The following SLC15A1 variants were observed in gnomAD, a reference collection of about 807,000 sequenced individuals.
The protein encoded by SLC15A1 is solute carrier family 15 member 1, also known as Caco-2 oligopeptide transporter.
A neutral mutation model predicts 92.9 loss-of-function variants in SLC15A1; 83 were observed. The observed-to-expected ratio is 0.89, with a 90% CI of 0.75 to 1.07. The LOEUF is 1.07. Ranked by LOEUF, SLC15A1 falls within the 50% of genes least tolerant of loss-of-function variation. The pLI, the probability that SLC15A1 is intolerant of heterozygous loss-of-function variation, is 0.00. For missense variants in SLC15A1, 857 were observed against 880.1 expected, an observed-to-expected ratio of 0.97 and a Z score of 0.33; for synonymous variants, 322 against 318.2, an observed-to-expected ratio of 1.01 and a Z score of -0.13.
intron 1 of SLC15A1, among the ~76,000 whole-genome samples, chr13:98,740,392 C>A (rs1019597785): frequency 6.6e-6 from 1 of 152,206 alleles, no homozygotes; most frequent in Non-Finnish European, 1.5e-5. Context: ...CGTGCTCTCT[C>A]CTTCCTGCAG....
At chr13:98,711,813 C>T (rs2139582533) in intron 11 of SLC15A1, 41 bp downstream of exon 11, 1 of 1,484,078 alleles carries the variant, frequency 6.7e-7, no homozygotes, top group Non-Finnish European at 9.4e-7. Context: ...GGGATGTACG[C>T]TTGCTCCGTG....
chr13:98,728,357 A>C (rs573660830), intron 1 of SLC15A1, among the ~76,000 whole-genome samples: 1 of 152,270 alleles, frequency 6.6e-6, no homozygotes, highest in South Asian at 2.1e-4. Context: ...TATGAATTTT[A>C]GGATTTTTTT....
rs4646233 is a variant in SLC15A1 at position 98,684,545 on chromosome 13, C to CAAAAAAA, written c.*172_*178dup. 2.0e-4 allele frequency: 38 copies of CAAAAAAA among 193,326 alleles called. No individual in the cohort carries two copies. Among genetic ancestry groups the CAAAAAAA allele is most frequent in the East Asian group, 2.9e-4 (4 of 13,606 alleles). 12.0% of individuals were successfully genotyped at this position (193,326 alleles called of 1,614,324 possible). On this transcript the variant is annotated 3_prime_UTR_variant, in exon 23 of 23. Coordinates refer to ENST00000376503, the MANE Select transcript of SLC15A1 (RefSeq NM_005073.4). The stretch of plus-strand genomic sequence containing the variant: ...GGACAACAAGAGCAAAACTCTGTCT[C>CAAAAAAA]AAAAAAAAAAAAAAAAAAAAAAAGA...
chr13:98,733,917 G>C (rs1196658569), intron 1 of SLC15A1, among the ~76,000 whole-genome samples: 1 of 152,176 alleles, frequency 6.6e-6, no homozygotes, highest in East Asian at 1.9e-4. Context: ...CATCCCTCTT[G>C]GTACTGTCCT....
chr13:98,701,050 T>C lies in SLC15A1; in HGVS notation c.1466+1430A>G, dbSNP rs2088063052. ...TCCATATACATTTTAGAAGCAGCTT[T>C]TTTATAAAAGCAAATAAAAATAATG... is the stretch of plus-strand genomic sequence containing the variant. On this transcript the variant is annotated intron_variant, in intron 18 of 22. Transcript: ENST00000376503. Among the ~76,000 whole-genome samples the C allele has an allele frequency of 2.0e-5, 3 of 152,348 alleles. No individual in the cohort carries two copies. In the South Asian group the frequency reaches 6.2e-4, roughly 32 times the overall value.
chr13:98,750,151 C>A (rs1043238853), intron 1 of SLC15A1, among the ~76,000 whole-genome samples: 1 of 151,606 alleles, frequency 6.6e-6, no homozygotes, highest in Non-Finnish European at 1.5e-5. Flanking sequence ...TCACTCTTGT[C>A]GTCCAGGCTG....
At chr13:98,701,015 C>T (rs992683050) in intron 18 of SLC15A1, among the ~76,000 whole-genome samples, 1 of 152,132 alleles carries the variant, frequency 6.6e-6, no homozygotes, top group African/African-American at 2.4e-5. Context: ...TATTCTAGTT[C>T]CTTTGCCTTT....
Position 98,693,234 on chromosome 13 carries a change from A to T in SLC15A1, c.1467-4657T>A, listed in dbSNP as rs370094276. ...TGCCTCAGCCTCCCAAGTAGCTGGGATTACAGGCACCTGCCACCATGCCCA... is the reference window on the plus strand; with the variant it reads ...TGCCTCAGCCTCCCAAGTAGCTGGGTTTACAGGCACCTGCCACCATGCCCA... On this transcript the variant is annotated intron_variant, in intron 18 of 22. Coordinates refer to ENST00000376503, the MANE Select transcript of SLC15A1 (RefSeq NM_005073.4). Among the ~76,000 whole-genome samples, 5 of 151,332 alleles carry T rather than the reference A, an allele frequency of 3.3e-5. No individual in the cohort carries two copies. The East Asian group carries it at 9.8e-4, about 30-fold the overall frequency.
chr13:98,712,470 G>A, intron 10 of SLC15A1, 28 bp downstream of exon 10: 2 of 1,531,494 alleles, frequency 1.3e-6, no homozygotes, highest in Non-Finnish European at 1.8e-6. Context: ...GGGGAATCAG[G>A]GTCATTGTAG....
intron 22 of SLC15A1, among the ~76,000 whole-genome samples, chr13:98,685,598 G>A (rs1252298978): frequency 6.6e-6 from 1 of 152,184 alleles, no homozygotes; most frequent in African/African-American, 2.4e-5. Context: ...TAGGAGAGAT[G>A]TTTCCCTTGA....
At chr13:98,706,552 G>C (rs1282601172) in intron 15 of SLC15A1, among the ~76,000 whole-genome samples, 1 of 152,170 alleles carries the variant, frequency 6.6e-6, no homozygotes, top group African/African-American at 2.4e-5. Flanking sequence ...ACTGAATCGT[G>C]GGGGTGGCTT....
chr13:98,703,351 C>T (rs1026310473), intron 17 of SLC15A1, among the ~76,000 whole-genome samples: 3 of 152,076 alleles, frequency 2.0e-5, no homozygotes, highest in African/African-American at 7.2e-5. Flanking sequence ...GCCGGTGCTT[C>T]CACAGAACAC....
At chr13:98,733,109 G>C (rs914285422) in intron 1 of SLC15A1, among the ~76,000 whole-genome samples, 1 of 152,150 alleles carries the variant, frequency 6.6e-6, no homozygotes, top group Admixed American at 6.5e-5. Context: ...TGGTGGCCTG[G>C]AGAAGCTGGA....
At chr13:98,738,371 G>T (rs528244610) in intron 1 of SLC15A1, among the ~76,000 whole-genome samples, 15 of 152,248 alleles carry the variant, frequency 9.9e-5, no homozygotes. Context: ...TGGGGTAAAG[G>T]CCTCTAAGGA....
chr13:98,706,955 C>A (rs1455618361), intron 15 of SLC15A1, among the ~76,000 whole-genome samples: 6 of 152,162 alleles, frequency 3.9e-5, no homozygotes, highest in Admixed American at 6.5e-5. Context: ...CTGAGATCTA[C>A]CGTCACCCGA....
At chr13:98,708,028 T>TA (rs2088128410) in intron 15 of SLC15A1, among the ~76,000 whole-genome samples, 1 of 151,862 alleles carries the variant, frequency 6.6e-6, no homozygotes, top group Non-Finnish European at 1.5e-5. Context: ...AGCCAGTCTT[T>TA]ATTCCTCTAC....
chr13:98,708,764 G>A lies in SLC15A1; in HGVS notation c.1071C>T (p.Ser357=), dbSNP rs538255007. Residue 357 remains serine (S), a synonymous_variant, in exon 15 of 23, where the codon TCC becomes TCT. Coordinates refer to ENST00000376503, the MANE Select transcript of SLC15A1 (RefSeq NM_005073.4). ...LIAKCGFNFT[S]LKKMAVGMVL... ...CCATGCCAACTGCCATCTTCTTCAA[G>A]GAGCTGATGGCACAAGAGAAGAGTG... 1 of 1,610,008 alleles carries A rather than the reference G, an allele frequency of 6.2e-7. No individual in the cohort carries two copies. Among genetic ancestry groups the A allele is most frequent in the Admixed American group, 1.7e-5 (1 of 59,306 alleles).
rs570659451 is a variant in SLC15A1, at chr13:98,744,473, G to A, written c.4+8122C>T. Among the ~76,000 whole-genome samples, 203 of 151,786 alleles carry A rather than the reference G, an allele frequency of 1.3e-3. 2 individuals are homozygous for A. The highest frequency in any genetic ancestry group is 4.7e-3 in the African/African-American group (193 of 41,436). On this transcript the variant is annotated intron_variant, in intron 1 of 22. Coordinates refer to ENST00000376503, the MANE Select transcript of SLC15A1 (RefSeq NM_005073.4). ...ATAGATTAAAAGTAATGGCAAAGCC[G>A]GGTGCGGTGGCTCACGCCTGTAATC...
intron 1 of SLC15A1, among the ~76,000 whole-genome samples, chr13:98,733,247 C>T (rs539953149): frequency 2.0e-5 from 3 of 152,292 alleles, no homozygotes; most frequent in African/African-American, 7.2e-5. Flanking sequence ...TGTGAAGCCA[C>T]TAAGCTTGTG....
Sources: allele counts gnomAD v4.1 joint callset (sites outside exome capture counted in the v4.1 genomes callset), GRCh38; gene constraint gnomAD v4.1.1; transcripts MANE v1.5; gene names NCBI Gene and HGNC (gene_info 2026-07-23, HGNC 2026-07-21).